The following LRP1B variants were observed in gnomAD, a reference collection of about 807,000 sequenced individuals.
LRP1B encodes the protein low-density lipoprotein receptor-related protein 1B.
A neutral mutation model predicts 556.6 loss-of-function variants in LRP1B; 217 were observed. That is an observed-to-expected ratio of 0.39 (90% CI 0.35 to 0.44). The LOEUF is 0.44. Among genes scored for constraint, LRP1B ranks in the 20% least tolerant of loss-of-function variants. The pLI is 1.00. For synonymous variants in LRP1B, 2,047 were observed against 1,865.8 expected (o/e 1.10, Z -2.50); for missense variants, 5,053 against 5,620.8 (o/e 0.90, Z 3.23).
intron 35 of LRP1B, among the ~76,000 whole-genome samples, chr2:140,744,863 T>C (rs1688265075): frequency 6.6e-6 from 1 of 152,170 alleles, no homozygotes; most frequent in African/African-American, 2.4e-5. Context: ...GGAGAGATTT[T>C]GCCAATTTTT....
intron 31 of LRP1B, among the ~76,000 whole-genome samples, chr2:140,828,055 C>T (rs1248720052): frequency 6.6e-6 from 1 of 151,984 alleles, no homozygotes. Flanking sequence ...TACAGTCTTT[C>T]CCACACAAAC....
At chr2:141,854,478 G>A (rs1697978660) in intron 1 of LRP1B, among the ~76,000 whole-genome samples, 1 of 152,044 alleles carries the variant, frequency 6.6e-6, no homozygotes, top group Non-Finnish European at 1.5e-5. Context: ...TAACTCGTAA[G>A]CAATCAAGAC....
At chr2:141,011,503 T>C (rs1455754685) in intron 14 of LRP1B, among the ~76,000 whole-genome samples, 1 of 152,102 alleles carries the variant, frequency 6.6e-6, no homozygotes, top group African/African-American at 2.4e-5. Context: ...ATTTAATTTC[T>C]ATATTGTATT....
chr2:140,509,887 A>G, intron 52 of LRP1B, 41 bp downstream of exon 52: 1 of 1,590,082 alleles, frequency 6.3e-7, no homozygotes. Flanking sequence ...AGGATGCTGC[A>G]ACAGTTTTCT....
At chr2:140,741,268 A>C (rs1688128434) in intron 35 of LRP1B, among the ~76,000 whole-genome samples, 1 of 152,166 alleles carries the variant, frequency 6.6e-6, no homozygotes, top group African/African-American at 2.4e-5. Context: ...CCCCAACCCA[A>C]ATAACAACAC....
chr2:141,670,006 G>T (rs956922490), intron 2 of LRP1B, among the ~76,000 whole-genome samples: 3 of 152,088 alleles, frequency 2.0e-5, no homozygotes, highest in African/African-American at 7.2e-5. Context: ...GCCCACCTAG[G>T]CATCCCAAAG....
intron 2 of LRP1B, among the ~76,000 whole-genome samples, chr2:141,736,056 C>G (rs1308434486): frequency 6.6e-6 from 1 of 152,122 alleles, no homozygotes; most frequent in Admixed American, 6.6e-5. Flanking sequence ...GCTGGAGACA[C>G]TGGGAACAAT....
At chr2:141,196,135 C>T (rs895377146) in intron 6 of LRP1B, among the ~76,000 whole-genome samples, 5 of 151,938 alleles carry the variant, frequency 3.3e-5, no homozygotes, top group African/African-American at 4.8e-5. Flanking sequence ...CAAGGAATTC[C>T]TTTGTTTTCA....
intron 2 of LRP1B, among the ~76,000 whole-genome samples, chr2:141,574,629 TA>T (rs1686668536): frequency 1.3e-5 from 2 of 152,118 alleles, no homozygotes; most frequent in South Asian, 2.1e-4. Flanking sequence ...GAGAAAGAAA[TA>T]AAGATTATTC....
intron 1 of LRP1B, among the ~76,000 whole-genome samples, chr2:141,882,836 G>T (rs191938811): frequency 1.3e-5 from 2 of 152,092 alleles, no homozygotes; most frequent in Non-Finnish European, 2.9e-5. Flanking sequence ...GCCTCTCAAA[G>T]TGCAGGGGTT....
chr2:141,033,788 T>C (rs1698447978), intron 11 of LRP1B, among the ~76,000 whole-genome samples: 1 of 152,150 alleles, frequency 6.6e-6, no homozygotes, highest in Non-Finnish European at 1.5e-5. Flanking sequence ...GCTGGCACCT[T>C]GTTGAAGTAC....
chr2:140,560,019 T>C (rs915086403), intron 43 of LRP1B, among the ~76,000 whole-genome samples: 10 of 152,270 alleles, frequency 6.6e-5, no homozygotes, highest in African/African-American at 2.2e-4. Context: ...GAATAAATAG[T>C]AACTTTACAG....
At chr2:141,906,791 A>G (rs1699772018) in intron 1 of LRP1B, among the ~76,000 whole-genome samples, 1 of 152,044 alleles carries the variant, frequency 6.6e-6, no homozygotes, top group Non-Finnish European at 1.5e-5. Flanking sequence ...TTGTGGTTAC[A>G]AAGTAGACAA....
intron 12 of LRP1B, among the ~76,000 whole-genome samples, chr2:141,016,196 A>C (rs1362278208): frequency 3.9e-5 from 6 of 152,114 alleles, no homozygotes; most frequent in African/African-American, 1.4e-4. Flanking sequence ...AGTAAGTGCC[A>C]AATATCTATT....
intron 1 of LRP1B, among the ~76,000 whole-genome samples, chr2:141,885,375 G>A (rs980000834): frequency 4.6e-5 from 7 of 152,110 alleles, no homozygotes; most frequent in Non-Finnish European, 8.8e-5. Context: ...GTGTTTAAAT[G>A]GGGATAAGAG....
At chr2:141,636,488 T>C (rs1312469050) in intron 2 of LRP1B, among the ~76,000 whole-genome samples, 2 of 152,172 alleles carry the variant, frequency 1.3e-5, no homozygotes, top group African/African-American at 4.8e-5. Context: ...GTGATTGGTG[T>C]GTAAATTGGT....
intron 35 of LRP1B, among the ~76,000 whole-genome samples, chr2:140,765,183 G>A (rs894330985): frequency 6.6e-6 from 1 of 152,004 alleles, no homozygotes; most frequent in African/African-American, 2.4e-5. Context: ...AAACCTGGTA[G>A]CTATTATAGT....
At chr2:141,436,039 A>AT (rs1680752906) in intron 3 of LRP1B, among the ~76,000 whole-genome samples, 1 of 152,172 alleles carries the variant, frequency 6.6e-6, no homozygotes, top group Non-Finnish European at 1.5e-5. Context: ...GTGTCTAAGA[A>AT]TTGGGTCACA....
intron 2 of LRP1B, among the ~76,000 whole-genome samples, chr2:141,787,073 C>T (rs1427964252): frequency 6.6e-6 from 1 of 151,862 alleles, no homozygotes; most frequent in African/African-American, 2.4e-5. Context: ...TTCTAGGTCT[C>T]TTTCATTAGG....
Sources: gnomAD v4.1 joint callset for allele counts (sites outside exome capture counted in the v4.1 genomes callset) on GRCh38, gnomAD v4.1.1 for gene constraint, MANE v1.5 for transcripts, NCBI Gene and HGNC (gene_info 2026-07-23, HGNC 2026-07-21) for gene names.